ANXA4: variants seen among roughly 807,000 people sequenced by gnomAD.
ANXA4 encodes the protein 35-beta calcimedin.
A neutral mutation model predicts 49.8 loss-of-function variants in ANXA4; 39 were observed. The ratio of observed to expected loss-of-function variants is 0.78; its 90% CI spans 0.61 to 1.02. The LOEUF (loss-of-function observed/expected upper bound fraction) is 1.02, where lower values mean the gene tolerates loss of function less well. Among genes scored for constraint, ANXA4 ranks in the 50% least tolerant of loss-of-function variants. The probability of loss-of-function intolerance (pLI) is 0.00; values close to 1 mark genes in which losing one functional copy is unlikely to be tolerated. For missense variants in ANXA4, 360 were observed against 410.1 expected (o/e 0.88, Z 1.05); for synonymous variants, 134 against 152.5 (o/e 0.88, Z 0.89).
chr2:69,724,528 A>G (rs1215750070), intron 3 of ANXA4, among the ~76,000 whole-genome samples: 1 of 152,006 alleles, frequency 6.6e-6, no homozygotes, highest in Non-Finnish European at 1.5e-5. Flanking sequence ...GCTAGGGGAG[A>G]TTTAGTGTCT....
upstream of ANXA4, among the ~76,000 whole-genome samples, chr2:69,739,379 T>C (rs546204626): frequency 6.6e-5 from 10 of 152,142 alleles, no homozygotes; most frequent in Admixed American, 5.2e-4. Flanking sequence ...CCTTGTGAGA[T>C]TTTTAATTTT....
intron 1 of ANXA4, among the ~76,000 whole-genome samples, chr2:69,766,268 T>C (rs1671491015): frequency 6.6e-6 from 1 of 152,186 alleles, no homozygotes; most frequent in African/African-American, 2.4e-5. Flanking sequence ...ATACTGTAGA[T>C]GTGATAAAGA....
intron 1 of ANXA4, among the ~76,000 whole-genome samples, chr2:69,772,645 C>T (rs906344331): frequency 6.6e-6 from 1 of 152,152 alleles, no homozygotes; most frequent in African/African-American, 2.4e-5. Context: ...TTTGTGTAGA[C>T]TGACTTTACA....
At chr2:69,788,190 A>G (rs1672496731) in intron 3 of ANXA4, 49 bp downstream of exon 3, 1 of 1,515,868 alleles carries the variant, frequency 6.6e-7, no homozygotes, top group Non-Finnish European at 9.2e-7. Flanking sequence ...TGCACATCAC[A>G]GGGTCACACA....
chr2:69,731,421 C>T (rs1670091213), intron 3 of ANXA4, among the ~76,000 whole-genome samples: 1 of 152,230 alleles, frequency 6.6e-6, no homozygotes, highest in South Asian at 2.1e-4. Context: ...AGTGATGATG[C>T]TGACTCTCGC....
intron 2 of ANXA4, among the ~76,000 whole-genome samples, chr2:69,713,020 C>A (rs1045296450): frequency 1.3e-5 from 2 of 152,018 alleles, no homozygotes; most frequent in African/African-American, 4.8e-5. Context: ...ACAATACTTC[C>A]CACTCTGACC....
intron 1 of ANXA4, among the ~76,000 whole-genome samples, chr2:69,768,200 T>A (rs748527085): frequency 1.3e-5 from 2 of 152,156 alleles, no homozygotes; most frequent in African/African-American, 4.8e-5. Context: ...TGGAAAATAA[T>A]AGGGCAAAAT....
chr2:69,810,548 G>C, intron 6 of ANXA4, 46 bp from the exon 7 acceptor site: 1 of 1,530,896 alleles, frequency 6.5e-7, no homozygotes, highest in Admixed American at 1.7e-5. Flanking sequence ...CAGGGCATTG[G>C]GCAAGACTCT....
rs536581613 is a variant in ANXA4 at position 69,749,674 on chromosome 2, C to G, written c.-47+7499C>G. 3.3e-5 allele frequency among the ~76,000 whole-genome samples: 5 copies of G among 152,094 alleles called. No individual in the cohort carries two copies. The East Asian group carries it at 5.8e-4, about 18-fold the overall frequency. On this transcript the variant is annotated intron_variant, in intron 1 of 12. Coordinates refer to ENST00000394295, the MANE Select transcript of ANXA4 (RefSeq NM_001153.5). ...ATGGAGGCTCTCACACCTGTAATCC[C>G]AGCACTTTGGGAGGCTGAGGCAGGC...
chr2:69,824,364 G>A (rs924913160), intron 12 of ANXA4, among the ~76,000 whole-genome samples: 13 of 152,024 alleles, frequency 8.6e-5, no homozygotes, highest in South Asian at 2.1e-4. Context: ...TTAGCCAGGC[G>A]TGGTGGTGTG....
intron 2 of ANXA4, among the ~76,000 whole-genome samples, chr2:69,672,624 C>A (rs780673631): frequency 6.6e-6 from 1 of 151,978 alleles, no homozygotes; most frequent in Non-Finnish European, 1.5e-5. Flanking sequence ...ACAGCAAAAC[C>A]AAACAATATT....
chr2:69,649,367 C>T (rs1676135551), intron 1 of ANXA4, among the ~76,000 whole-genome samples: 1 of 151,888 alleles, frequency 6.6e-6, no homozygotes, highest in African/African-American at 2.4e-5. Context: ...TTCCTTTTAG[C>T]ATGTTTCCAT....
At chr2:69,801,372 A>T (rs1291409116) in intron 3 of ANXA4, among the ~76,000 whole-genome samples, 1 of 151,496 alleles carries the variant, frequency 6.6e-6, no homozygotes, top group African/African-American at 2.4e-5. Flanking sequence ...AGTTCTGCCA[A>T]GGACTCTTTT....
At chr2:69,825,434 A>C in intron 12 of ANXA4, 22 bp from the exon 13 acceptor site, 1 of 1,593,744 alleles carries the variant, frequency 6.3e-7, no homozygotes, top group South Asian at 1.1e-5. Flanking sequence ...TATTTATCTA[A>C]CTTTGCTTCC....
intron 2 of ANXA4, among the ~76,000 whole-genome samples, chr2:69,709,162 A>G (rs183832703): frequency 1.3e-5 from 2 of 152,364 alleles, no homozygotes; most frequent in East Asian, 3.9e-4. Context: ...TTTCCTCTCA[A>G]TAAACCCAGT....
intron 1 of ANXA4, among the ~76,000 whole-genome samples, chr2:69,760,985 C>T (rs1379561242): frequency 6.7e-6 from 1 of 149,598 alleles, no homozygotes; most frequent in Non-Finnish European, 1.5e-5. Flanking sequence ...AACATAGTGA[C>T]ACCTCGTCTC....
At chr2:69,711,523 G>A (rs907035415) in intron 2 of ANXA4, among the ~76,000 whole-genome samples, 4 of 152,100 alleles carry the variant, frequency 2.6e-5, no homozygotes, top group African/African-American at 9.7e-5. Context: ...TAGTTTCCTG[G>A]GCTTGGGAGT....
At chr2:69,718,486 A>G (rs1204061388) in intron 2 of ANXA4, among the ~76,000 whole-genome samples, 2 of 152,226 alleles carry the variant, frequency 1.3e-5, no homozygotes, top group East Asian at 1.9e-4. Flanking sequence ...ATGCTTAGCC[A>G]GAATTTGAGG....
intron 2 of ANXA4, among the ~76,000 whole-genome samples, chr2:69,782,490 G>C (rs532948244): frequency 6.6e-6 from 1 of 151,896 alleles, no homozygotes; most frequent in Non-Finnish European, 1.5e-5. Context: ...ATTCTCCCTG[G>C]CCATGGAGAA....
Sources: allele counts gnomAD v4.1 joint callset (sites outside exome capture counted in the v4.1 genomes callset), GRCh38; gene constraint gnomAD v4.1.1; transcripts MANE v1.5; gene names NCBI Gene and HGNC (gene_info 2026-07-23, HGNC 2026-07-21).